Variants in ANKRD16 observed in about 807,000 individuals in gnomAD.
The protein encoded by ANKRD16 is ankyrin repeat domain 16.
A neutral mutation model predicts 37.9 loss-of-function variants in ANKRD16; 35 were observed. That is an observed-to-expected ratio of 0.92 (90% CI 0.71 to 1.23). ANKRD16 has a LOEUF of 1.23. Among genes scored for constraint, ANKRD16 ranks in the 50% most tolerant of loss-of-function variants. The probability of loss-of-function intolerance (pLI) is 0.00; values close to 1 mark genes in which losing one functional copy is unlikely to be tolerated. For synonymous variants in ANKRD16, 206 were observed against 197.2 expected, an observed-to-expected ratio of 1.04 and a Z score of -0.37; for missense variants, 480 against 469.9, an observed-to-expected ratio of 1.02 and a Z score of -0.20.
In ANKRD16 at chr10:5,883,067, C is replaced by G. The variant is rs755666162; in HGVS notation, c.788G>C (p.Gly263Ala). 1 of 1,614,022 alleles carries G rather than the reference C, an allele frequency of 6.2e-7. No homozygotes were observed. The highest frequency in any genetic ancestry group is 2.2e-5 in the East Asian group (1 of 44,902). The change falls in exon 5 of 8, where the codon GGC (glycine) becomes GCC (alanine). Residue 263 changes from glycine to alanine, a missense_variant. Physicochemically the swap from Gly to Ala is moderately conservative, Grantham distance 60. Transcript: ENST00000380094. ...TGTGGCTCTCACATCTACATCGACG[C>G]CAAGTTCAGAGACCAAGAATCGGAT... The part of the protein sequence containing the change: ...EAIRFLVSEL[G>A]VDVDVRATST...
chr10:5,880,811 C>G (rs1388684250), intron 5 of ANKRD16, among the ~76,000 whole-genome samples: 1 of 152,188 alleles, frequency 6.6e-6, no homozygotes, highest in Admixed American at 6.5e-5. Flanking sequence ...CAGCTTTCAG[C>G]TTAATTTTTT....
rs1285953513 is a variant in ANKRD16, at chr10:5,865,020, G to A, written c.*34-2329C>T. ...AGCCCTGGGCCCTGAACAAAATCTG[G>A]AGGCATTATTAAACCTGGCAACCTC... is the stretch of plus-strand genomic sequence containing the variant. On this transcript the variant is annotated intron_variant, in intron 7 of 7. Coordinates refer to ENST00000380094, the MANE Select transcript of ANKRD16 (RefSeq NM_019046.3). The surrounding 1 kb of genome is among the most constrained non-coding windows in gnomAD (Gnocchi z 4.7). Among the ~76,000 whole-genome samples the A allele has an allele frequency of 6.6e-6, 1 of 152,144 alleles. No homozygotes were observed. Among genetic ancestry groups the A allele is most frequent in the Non-Finnish European group, 1.5e-5 (1 of 68,034 alleles).
rs1176106805 is a variant in ANKRD16 at position 5,878,957 on chromosome 10, T to C, written c.929-670A>G. Reference sequence around the variant, plus strand: ...TGAATTTGCTTTGTAAGTAAAAATATCACCACAAATAATCACGTAGCCAAA... The same window carrying C: ...TGAATTTGCTTTGTAAGTAAAAATACCACCACAAATAATCACGTAGCCAAA... On this transcript the variant is annotated intron_variant, in intron 6 of 7. Coordinates refer to ENST00000380094, the MANE Select transcript of ANKRD16 (RefSeq NM_019046.3). This position sits in a 1 kb window ranked among gnomAD's most constrained non-coding sequence, Gnocchi z 5.1. Among the ~76,000 whole-genome samples the C allele has an allele frequency of 6.6e-6, 1 of 152,146 alleles. No individual in the cohort carries two copies. The highest frequency in any genetic ancestry group is 1.5e-5 in the Non-Finnish European group (1 of 68,024).
intron 7 of ANKRD16, among the ~76,000 whole-genome samples, chr10:5,873,318 C>G (rs1842134003): frequency 6.6e-6 from 1 of 152,158 alleles, no homozygotes; most frequent in Admixed American, 6.5e-5. Flanking sequence ...GCATGAGCCA[C>G]CGTCCCCAGC....
rs541567482 is a variant in ANKRD16, at chr10:5,878,525, C to A, written c.929-238G>T. On this transcript the variant is annotated intron_variant, in intron 6 of 7. Coordinates refer to ENST00000380094, the MANE Select transcript of ANKRD16 (RefSeq NM_019046.3). The surrounding 1 kb of genome is among the most constrained non-coding windows in gnomAD (Gnocchi z 5.1). The stretch of plus-strand genomic sequence containing the variant: ...ATTTAAGAAATTTATCTAGGCTGGG[C>A]GTGGTGGCTCATGCCTGTAATCCCA... Among the ~76,000 whole-genome samples the A allele has an allele frequency of 6.6e-6, 1 of 152,168 alleles. No individual in the cohort carries two copies. Among genetic ancestry groups the A allele is most frequent in the Middle Eastern group, 3.4e-3 (1 of 294 alleles).
chr10:5,880,902 G>A (rs905211976), intron 5 of ANKRD16, among the ~76,000 whole-genome samples: 1 of 151,236 alleles, frequency 6.6e-6, no homozygotes, highest in Non-Finnish European at 1.5e-5. Context: ...CATATATTAG[G>A]CACCTTTTCT....
In ANKRD16 at chr10:5,889,029, C is replaced by T. The variant is rs745964570; in HGVS notation, c.314+12G>A. 5.3e-6 allele frequency: 8 copies of T among 1,511,480 alleles called. No homozygotes were observed. Among genetic ancestry groups the T allele is most frequent in the African/African-American group, 2.8e-5 (2 of 71,090 alleles). 93.6% of individuals were successfully genotyped at this position (1,511,480 alleles called of 1,614,324 possible). ...AGAGGGGAGGCGGGGTGTCTTTCCG[C>T]TCCACACCTACCAGTCGGCCTTCTT... On this transcript the variant is annotated intron_variant, in intron 1 of 7. Transcript: ENST00000380094.
intron 5 of ANKRD16, among the ~76,000 whole-genome samples, chr10:5,882,217 G>A (rs758078593): frequency 1.3e-5 from 2 of 152,146 alleles, no homozygotes; most frequent in Non-Finnish European, 2.9e-5. Context: ...CTGCTCGAAA[G>A]CAGGACATCA....
At chr10:5,873,690 C>T (rs1202884409) in intron 7 of ANKRD16, among the ~76,000 whole-genome samples, 1 of 152,158 alleles carries the variant, frequency 6.6e-6, no homozygotes, top group Non-Finnish European at 1.5e-5. Context: ...GTGCTTGCTC[C>T]TCCCTCTTCT....
chr10:5,885,656 T>A, intron 3 of ANKRD16, 67 bp downstream of exon 3: 1 of 1,565,084 alleles, frequency 6.4e-7, no homozygotes, highest in Non-Finnish European at 8.8e-7. Context: ...GCTCTTTATG[T>A]AGCACTGATA....
rs1453069781 is a variant in ANKRD16, at chr10:5,871,787, C to T, written c.*33+6310G>A. Among the ~76,000 whole-genome samples, 4 of 152,214 alleles carry T rather than the reference C, an allele frequency of 2.6e-5. No homozygotes were observed. The highest frequency in any genetic ancestry group is 6.5e-5 in the Admixed American group (1 of 15,282). ...GCTTCCTCCCTCTGTGGGCTCCTTT[C>T]CCAGTCTGTAAACATGCCACATGCT... On this transcript the variant is annotated intron_variant, in intron 7 of 7. Transcript: ENST00000380094. The surrounding 1 kb of genome is among the most constrained non-coding windows in gnomAD (Gnocchi z 4.5).
intron 3 of ANKRD16, among the ~76,000 whole-genome samples, chr10:5,884,925 C>A (rs1286172333): frequency 6.6e-6 from 1 of 152,168 alleles, no homozygotes; most frequent in African/African-American, 2.4e-5. Flanking sequence ...TTGCCTCCCG[C>A]TTTCAGCTAA....
chr10:5,867,676 G>C (rs1589013229), intron 7 of ANKRD16, among the ~76,000 whole-genome samples: 1 of 152,252 alleles, frequency 6.6e-6, no homozygotes, highest in East Asian at 1.9e-4. Context: ...GTCCATCAGT[G>C]CAGAGCCATC....
rs925113181 is a variant in ANKRD16 at position 5,862,452 on chromosome 10, T to C, written c.*273A>G. The C allele has an allele frequency of 9.0e-6, 4 of 445,444 alleles. No homozygotes were observed. The Admixed American group carries it at 1.1e-4, about 12-fold the overall frequency. 27.6% of individuals were successfully genotyped at this position (445,444 alleles called of 1,614,324 possible). A position where few individuals can be genotyped will look rare whatever the true frequency, so the allele number is the denominator to read the frequency against. On this transcript the variant is annotated 3_prime_UTR_variant, in exon 8 of 8. Coordinates refer to ENST00000380094, the MANE Select transcript of ANKRD16 (RefSeq NM_019046.3). This position sits in a 1 kb window ranked among gnomAD's most constrained non-coding sequence, Gnocchi z 6.5. ...ATCATCCTCAGACTCTTCCAGTCAA[T>C]GGTTGGTGATGTCATCAGCAACCAT...
chr10:5,874,238 G>A lies in ANKRD16; in HGVS notation c.*33+3859C>T, dbSNP rs608197. ...AGTAACACACACTCACCATGGGAGC[G>A]GGTGTGCTTTTAGGACAAGCTGACA... is the stretch of plus-strand genomic sequence containing the variant. On this transcript the variant is annotated intron_variant, in intron 7 of 7. Coordinates refer to ENST00000380094, the MANE Select transcript of ANKRD16 (RefSeq NM_019046.3). The surrounding 1 kb of genome is among the most constrained non-coding windows in gnomAD (Gnocchi z 4.7). Among the ~76,000 whole-genome samples the A allele has an allele frequency of 0.83, 125,734 of 152,220 alleles. 52,333 individuals carry two copies. Among genetic ancestry groups the A allele is most frequent in the Admixed American group, 0.87 (13,385 of 15,308 alleles).
chr10:5,881,092 C>T, intron 5 of ANKRD16: 3 of 887,198 alleles, frequency 3.4e-6, no homozygotes, highest in Non-Finnish European at 4.0e-6. Flanking sequence ...AGCCACTGCG[C>T]CCAGCCAAAT....
rs139325032 is a variant in ANKRD16, at chr10:5,877,536, A to G, written c.*33+561T>C. 6.2e-3 allele frequency among the ~76,000 whole-genome samples: 950 copies of G among 152,380 alleles called. 9 individuals are homozygous for G. Among genetic ancestry groups the G allele is most frequent in the African/African-American group, 0.021 (881 of 41,590 alleles). On this transcript the variant is annotated intron_variant, in intron 7 of 7. Coordinates refer to ENST00000380094, the MANE Select transcript of ANKRD16 (RefSeq NM_019046.3). ...GCTTAACTAGCAGTGCTTAGAATATATAAAAGTTTTTATTAATTTCTTGTA... is the reference window on the plus strand; with the variant it reads ...GCTTAACTAGCAGTGCTTAGAATATGTAAAAGTTTTTATTAATTTCTTGTA...
intron 4 of ANKRD16, 37 bp from the exon 5 acceptor site, chr10:5,883,204 G>A: frequency 1.9e-6 from 3 of 1,599,826 alleles, no homozygotes; most frequent in South Asian, 1.1e-5. Context: ...AAAGGTCAAA[G>A]ATAAGAAACA....
intron 1 of ANKRD16, 51 bp downstream of exon 1, chr10:5,888,990 A>G: frequency 1.0e-5 from 15 of 1,464,968 alleles, no homozygotes; most frequent in African/African-American, 1.4e-5. Context: ...GGAACTCGCT[A>G]CGACTCTGCG....
Sources: allele counts gnomAD v4.1 joint callset (sites outside exome capture counted in the v4.1 genomes callset), GRCh38; gene constraint gnomAD v4.1.1; non-coding constraint Gnocchi (gnomAD v3.1); transcripts MANE v1.5; gene names NCBI Gene and HGNC (gene_info 2026-07-23, HGNC 2026-07-21).